Variants in SARS1 observed in about 807,000 individuals in gnomAD.
SARS1 encodes seryl-tRNA synthetase 1.
A neutral mutation model predicts 63.7 loss-of-function variants in SARS1; 25 were observed. The observed-to-expected ratio is 0.39, with a 90% CI of 0.29 to 0.55. The LOEUF (loss-of-function observed/expected upper bound fraction) is 0.55. SARS1 is among the 20% of genes least tolerant of loss of function. The probability of loss-of-function intolerance (pLI) is 0.62; values close to 1 mark genes in which losing one functional copy is unlikely to be tolerated. For missense variants in SARS1, 417 were observed against 649.7 expected (o/e 0.64, Z 3.89); for synonymous variants, 231 against 243.5 (o/e 0.95, Z 0.48).
chr1:109,214,264 T>C lies in SARS1; in HGVS notation c.136+136T>C. 9.3e-7 allele frequency: 1 copy of C among 1,074,764 alleles called. No individual in the cohort carries two copies. The highest frequency in any genetic ancestry group is 3.0e-5 in the Admixed American group (1 of 33,280). 66.6% of individuals were successfully genotyped at this position (1,074,764 alleles called of 1,614,324 possible). A position where few individuals can be genotyped will look rare whatever the true frequency, so the allele number is the denominator to read the frequency against. ...CCAGGGTGCGGTGGCTCCGAGGTTC[T>C]CCCCATCCCCGAAAACACAGCCTGG... On this transcript the variant is annotated intron_variant, in intron 1 of 10. Coordinates refer to ENST00000234677, the MANE Select transcript of SARS1 (RefSeq NM_006513.4). The surrounding 1 kb of genome is among the most constrained non-coding windows in gnomAD (Gnocchi z 4.6).
At chr1:109,232,142 G>T (rs530596259) in intron 6 of SARS1, among the ~76,000 whole-genome samples, 2 of 152,222 alleles carry the variant, frequency 1.3e-5, no homozygotes, top group Non-Finnish European at 1.5e-5. Flanking sequence ...AAATTACAGT[G>T]GTGGCACTGA....
chr1:109,216,459 A>G (rs1654790049), intron 1 of SARS1: 1 of 985,192 alleles, frequency 1.0e-6, no homozygotes, highest in South Asian at 4.7e-5. Context: ...AATTCAGAGT[A>G]GCGTAATGAT....
chr1:109,217,403 G>C lies in SARS1; in HGVS notation c.136+3275G>C, dbSNP rs1038867896. Among the ~76,000 whole-genome samples, 3 of 151,912 alleles carry C rather than the reference G, an allele frequency of 2.0e-5. No individual in the cohort carries two copies. In the East Asian group the frequency reaches 5.8e-4, roughly 29 times the overall value. On this transcript the variant is annotated intron_variant, in intron 1 of 10. Coordinates refer to ENST00000234677, the MANE Select transcript of SARS1 (RefSeq NM_006513.4). ...GTAATTTATTACTATTGATCATAAAGTTTAAGCATTATAAGTTGGCGATAG... is the reference window on the plus strand; with the variant it reads ...GTAATTTATTACTATTGATCATAAACTTTAAGCATTATAAGTTGGCGATAG...
In SARS1 at chr1:109,236,113, G is replaced by A; in HGVS notation, c.1099+7G>A. ...ATTGTGAATATTGTCTCAGGTATGG[G>A]ACCCAGCCTCTTCTCAGCCTCCCTT... On this transcript the variant is annotated splice_region_variant and intron_variant, in intron 8 of 10. Coordinates refer to ENST00000234677, the MANE Select transcript of SARS1 (RefSeq NM_006513.4). 6.2e-7 allele frequency: 1 copy of A among 1,608,560 alleles called. No individual in the cohort carries two copies. The highest frequency in any genetic ancestry group is 1.1e-5 in the South Asian group (1 of 90,140).
chr1:109,217,699 C>T (rs1271905523), intron 1 of SARS1, among the ~76,000 whole-genome samples: 2 of 151,772 alleles, frequency 1.3e-5, no homozygotes, highest in Admixed American at 6.6e-5. Context: ...TAGCTGGGAC[C>T]ACAGGTGTGC....
In SARS1 at chr1:109,223,960, T is replaced by C; in HGVS notation, c.137-18T>C. ...TATGGGCATTTCTTTGGTATAGTCT[T>C]GGATTCTTTATTCCTAGGTAGATTT... On this transcript the variant is annotated intron_variant, in intron 1 of 10. Coordinates refer to ENST00000234677, the MANE Select transcript of SARS1 (RefSeq NM_006513.4). 1.3e-6 allele frequency: 2 copies of C among 1,589,956 alleles called. No individual in the cohort carries two copies. The highest frequency in any genetic ancestry group is 4.5e-5 in the East Asian group (2 of 44,742).
chr1:109,214,748 GGAGT>G lies in SARS1; in HGVS notation c.136+624_136+627del. 1 of 985,462 alleles carries G rather than the reference GGAGT, an allele frequency of 1.0e-6. No homozygotes were observed. Among genetic ancestry groups the G allele is most frequent in the Non-Finnish European group, 1.2e-6 (1 of 829,950 alleles). The allele number at this position is 985,462 out of a possible 1,614,324, so 61.0% of individuals were successfully genotyped here. On this transcript the variant is annotated intron_variant, in intron 1 of 10. Transcript: ENST00000234677. This position sits in a 1 kb window ranked among gnomAD's most constrained non-coding sequence, Gnocchi z 4.6. ...TTTCCGTGGTAGATCAAACGCGAGGGGAGTGAGGAGGCGAGCAAAAGATTGTAAT... is the reference window on the plus strand; with the variant it reads ...TTTCCGTGGTAGATCAAACGCGAGGGGAGGAGGCGAGCAAAAGATTGTAAT...
At chr1:109,231,829 T>C in intron 6 of SARS1, 43 bp downstream of exon 6, 3 of 1,426,746 alleles carry the variant, frequency 2.1e-6, no homozygotes, top group Middle Eastern at 1.9e-4. Flanking sequence ...TCTTAAGTTA[T>C]GTAGCTTAAC....
In SARS1 at chr1:109,221,996, A is replaced by G. The variant is rs1392040311; in HGVS notation, c.137-1982A>G. ...TATATATATATATATATATATATATATATATATATATATATTTTTTTTTTT... is the reference window on the plus strand; with the variant it reads ...TATATATATATATATATATATATATGTATATATATATATATTTTTTTTTTT... On this transcript the variant is annotated intron_variant, in intron 1 of 10. Coordinates refer to ENST00000234677, the MANE Select transcript of SARS1 (RefSeq NM_006513.4). Among the ~76,000 whole-genome samples, 23 of 12,156 alleles carry G rather than the reference A, an allele frequency of 1.9e-3. 1 individual carries two copies. The highest frequency in any genetic ancestry group is 0.016 in the South Asian group (3 of 192). 8.0% of individuals were successfully genotyped at this position (12,156 alleles called of 152,430 possible).
intron 5 of SARS1, 43 bp from the exon 6 acceptor site, chr1:109,231,588 T>C: frequency 8.8e-6 from 12 of 1,364,028 alleles, no homozygotes; most frequent in Non-Finnish European, 1.1e-5. Flanking sequence ...AACATGATGG[T>C]GACAAGACCC....
At chr1:109,216,541 T>G in intron 1 of SARS1, 1 of 985,366 alleles carries the variant, frequency 1.0e-6, no homozygotes, top group Non-Finnish European at 1.2e-6. Context: ...GGAAATCTGC[T>G]GCAAACCCCA....
At position 109,213,968 on chromosome 1, in the gene SARS1, G is replaced by C. The variant is rs755304640; in HGVS notation, c.-25G>C. 2 of 1,599,864 alleles carry C rather than the reference G, an allele frequency of 1.3e-6. No individual in the cohort carries two copies. Among genetic ancestry groups the C allele is most frequent in the African/African-American group, 2.7e-5 (2 of 74,310 alleles). On this transcript the variant is annotated 5_prime_UTR_variant, in exon 1 of 11. Coordinates refer to ENST00000234677, the MANE Select transcript of SARS1 (RefSeq NM_006513.4). The stretch of plus-strand genomic sequence containing the variant: ...GCTGCGGCGCGATCCTTGCTTCCCT[G>C]AGCGTTGGCCCGGGAGGAAAGAAGA...
At chr1:109,229,832 G>A (rs551440686) in intron 4 of SARS1, among the ~76,000 whole-genome samples, 3 of 152,306 alleles carry the variant, frequency 2.0e-5, no homozygotes, top group East Asian at 1.9e-4. Flanking sequence ...CATGTTGCCC[G>A]TGGTAGCAGG....
chr1:109,231,414 C>CT (rs1172164358), intron 5 of SARS1: 2 of 381,588 alleles, frequency 5.2e-6, no homozygotes, highest in African/African-American at 4.2e-5. Flanking sequence ...GGATAATTCT[C>CT]TTAACGGTGT....
Position 109,230,834 on chromosome 1 carries a change from A to C in SARS1, c.448-44A>C, listed in dbSNP as rs1249008760. 6 of 1,524,068 alleles carry C rather than the reference A, an allele frequency of 3.9e-6. No homozygotes were observed. In the African/African-American group the frequency reaches 8.6e-5, roughly 22 times the overall value. 94.4% of individuals were successfully genotyped at this position (1,524,068 alleles called of 1,614,324 possible). A position where few individuals can be genotyped will look rare whatever the true frequency, so the allele number is the denominator to read the frequency against. ...AAAAAAAAATAATTTAAAAATAATA[A>C]AATCATATGTCTTGTATGTCTCTTT... On this transcript the variant is annotated intron_variant, in intron 4 of 10. Transcript: ENST00000234677.
At chr1:109,228,553 T>A (rs1655140085) in intron 3 of SARS1, 121 bp downstream of exon 3, 1 of 679,052 alleles carries the variant, frequency 1.5e-6, no homozygotes, top group African/African-American at 1.8e-5. Context: ...TTTCTGCTGC[T>A]GGGAAATGTC....
At chr1:109,230,286 AC>A (rs1464192752) in intron 4 of SARS1, among the ~76,000 whole-genome samples, 3 of 151,998 alleles carry the variant, frequency 2.0e-5, no homozygotes, top group Non-Finnish European at 4.4e-5. Context: ...AAAGAAATAA[AC>A]AAAAAAAACC....
Position 109,214,268 on chromosome 1 carries a change from C to T in SARS1, c.136+140C>T. ...GGTGCGGTGGCTCCGAGGTTCTCCC[C>T]ATCCCCGAAAACACAGCCTGGTCGC... On this transcript the variant is annotated intron_variant, in intron 1 of 10. Transcript: ENST00000234677. This position sits in a 1 kb window ranked among gnomAD's most constrained non-coding sequence, Gnocchi z 4.6. 1.9e-6 allele frequency: 2 copies of T among 1,067,430 alleles called. No individual in the cohort carries two copies. Among genetic ancestry groups the T allele is most frequent in the South Asian group, 3.4e-5 (2 of 59,252 alleles). The allele number at this position is 1,067,430 out of a possible 1,614,324, so 66.1% of individuals were successfully genotyped here. A position where few individuals can be genotyped will look rare whatever the true frequency, so the allele number is the denominator to read the frequency against.
intron 1 of SARS1, among the ~76,000 whole-genome samples, chr1:109,217,862 G>A (rs886382596): frequency 1.3e-5 from 2 of 151,956 alleles, no homozygotes; most frequent in South Asian, 2.1e-4. Context: ...GCCCAGCCCC[G>A]AAATTATATT....
Sources: gnomAD v4.1 joint callset for allele counts (sites outside exome capture counted in the v4.1 genomes callset) on GRCh38, gnomAD v4.1.1 for gene constraint, Gnocchi (gnomAD v3.1) non-coding constraint, MANE v1.5 for transcripts, NCBI Gene and HGNC (gene_info 2026-07-23, HGNC 2026-07-21) for gene names.